Variants in C19orf25 observed in about 807,000 individuals in gnomAD.
The protein encoded by C19orf25 is UPF0449 protein C19orf25.
C19orf25 carries 1 observed loss-of-function variant against 3.1 expected under a neutral mutation model. The ratio of observed to expected loss-of-function variants is 0.32; its 90% CI spans 0.12 to 1.54. The LOEUF is 1.54. Ranked by LOEUF, C19orf25 falls within the 40% of genes most tolerant of loss-of-function variation. The probability of loss-of-function intolerance (pLI) is 0.38; values close to 1 mark genes in which losing one functional copy is unlikely to be tolerated. For synonymous variants in C19orf25, 91 were observed against 74.3 expected (o/e 1.23, Z -1.16); for missense variants, 196 against 160.4 (o/e 1.22, Z -1.20).
At chr19:1,478,370 A>G (rs56387929) in intron 2 of C19orf25, 1 of 336,668 alleles carries the variant, frequency 3.0e-6, no homozygotes, top group Non-Finnish European at 5.3e-6. Flanking sequence ...CCTCCCGAGT[A>G]GCTGAGATTA....
chr19:1,477,383 G>A (rs1031098513), intron 2 of C19orf25, among the ~76,000 whole-genome samples: 1 of 152,192 alleles, frequency 6.6e-6, no homozygotes, highest in East Asian at 1.9e-4. Context: ...TTGTCCATTA[G>A]CAGTGCTCTA....
At position 1,473,419 on chromosome 19, in the gene C19orf25, ACTGG is replaced by A. The variant is rs2084169150; in HGVS notation, c.*1609_*1612del. ...CCCCACCCAGATGGGCCGGGGAGGC[ACTGG>A]CTGAGGCCAGGAGTCTCCCCCTGGT... On this transcript the variant is annotated 3_prime_UTR_variant, in exon 3 of 3. Coordinates refer to ENST00000585675, the MANE Select transcript of C19orf25 (RefSeq NM_152482.3). 6.6e-6 allele frequency: 1 copy of A among 152,400 alleles called. No individual in the cohort carries two copies. Among genetic ancestry groups the A allele is most frequent in the Admixed American group, 6.5e-5 (1 of 15,306 alleles). 9.4% of individuals were successfully genotyped at this position (152,400 alleles called of 1,614,324 possible).
rs768478051 is a variant in C19orf25 at position 1,475,094 on chromosome 19, G to A, written c.295C>T (p.Arg99Trp). 4.8e-5 allele frequency: 77 copies of A among 1,606,338 alleles called. 1 individual carries two copies. Among genetic ancestry groups the A allele is most frequent in the South Asian group, 3.2e-4 (29 of 89,886 alleles). The change falls in exon 3 of 3, where the codon CGG (arginine) becomes TGG (tryptophan). Residue 99 changes from arginine to tryptophan, a missense_variant. Coordinates refer to ENST00000585675, the MANE Select transcript of C19orf25 (RefSeq NM_152482.3). ...GCCTGCTTCATCTGGGCCACCTCCC[G>A]CTCCAGGTCCTCGCCGGCTCGCTGC... ...LLQRAGEDLE[R>W]EVAQMKQAAL...
chr19:1,476,143 A>G, intron 2 of C19orf25: 1 of 398,702 alleles, frequency 2.5e-6, no homozygotes, highest in East Asian at 3.6e-5. Flanking sequence ...AGCCCAGTGC[A>G]GCAGGGCTGA....
At chr19:1,478,446 T>C in intron 2 of C19orf25, 1 of 570,508 alleles carries the variant, frequency 1.8e-6, no homozygotes, top group Admixed American at 4.3e-5. Flanking sequence ...TTTTGTTTTT[T>C]CATTTTTAGC....
intron 2 of C19orf25, chr19:1,478,528 C>T: frequency 8.2e-7 from 1 of 1,226,518 alleles, no homozygotes; most frequent in Non-Finnish European, 1.0e-6. Flanking sequence ...CCCGCCTCAT[C>T]CTCCGAAAGT....
Position 1,474,227 on chromosome 19 carries a change from T to G in C19orf25, c.*805A>C, listed in dbSNP as rs45441601. The G allele has an allele frequency of 6.6e-6, 1 of 152,082 alleles. No homozygotes were observed. The highest frequency in any genetic ancestry group is 1.9e-4 in the East Asian group (1 of 5,144). The allele number at this position is 152,082 out of a possible 1,614,324, so 9.4% of individuals were successfully genotyped here. On this transcript the variant is annotated 3_prime_UTR_variant, in exon 3 of 3. Transcript: ENST00000585675. ...CAGCCTCTGGGCCGCCTTGCCCAGG[T>G]TTCCACTCAAGTTGCTATTTAGGAT...
chr19:1,477,157 G>T (rs781330161), intron 2 of C19orf25, among the ~76,000 whole-genome samples: 6 of 152,082 alleles, frequency 3.9e-5, no homozygotes, highest in South Asian at 4.1e-4. Context: ...GCGCCACCAT[G>T]CCCAGCTAAT....
At chr19:1,477,755 C>A (rs1459578172) in intron 2 of C19orf25, among the ~76,000 whole-genome samples, 1 of 152,174 alleles carries the variant, frequency 6.6e-6, no homozygotes, top group Non-Finnish European at 1.5e-5. Context: ...ATTCATAGCT[C>A]CCAGACCTTA....
chr19:1,474,959 G>A lies in C19orf25; in HGVS notation c.*73C>T, dbSNP rs1200324468. The A allele has an allele frequency of 1.3e-5, 20 of 1,531,050 alleles. No individual in the cohort carries two copies. Among genetic ancestry groups the A allele is most frequent in the Non-Finnish European group, 1.7e-5 (19 of 1,141,858 alleles). The allele number at this position is 1,531,050 out of a possible 1,614,324, so 94.8% of individuals were successfully genotyped here. A position where few individuals can be genotyped will look rare whatever the true frequency, so the allele number is the denominator to read the frequency against. On this transcript the variant is annotated 3_prime_UTR_variant, in exon 3 of 3. Coordinates refer to ENST00000585675, the MANE Select transcript of C19orf25 (RefSeq NM_152482.3). ...GGGACCCCGTGAATGCCAGTCTGGG[G>A]CCGACGGACCCCCAGGGAAAGCCTG...
chr19:1,478,371 G>A lies in C19orf25; in HGVS notation c.130+403C>T, dbSNP rs1599179724. On this transcript the variant is annotated intron_variant, in intron 2 of 2. Transcript: ENST00000585675. ...TTCTCCTGCCTCAGCCTCCCGAGTA[G>A]CTGAGATTACAGGCGCCTGCCACTA... is the stretch of plus-strand genomic sequence containing the variant. 8.6e-6 allele frequency: 3 copies of A among 348,124 alleles called. No individual in the cohort carries two copies. The East Asian group carries it at 1.4e-4, about 16-fold the overall frequency. 21.6% of individuals were successfully genotyped at this position (348,124 alleles called of 1,614,324 possible). A position where few individuals can be genotyped will look rare whatever the true frequency, so the allele number is the denominator to read the frequency against.
At chr19:1,478,148 T>C (rs2084224845) in intron 2 of C19orf25, among the ~76,000 whole-genome samples, 1 of 152,148 alleles carries the variant, frequency 6.6e-6, no homozygotes, top group Admixed American at 6.5e-5. Flanking sequence ...CACTTATTTA[T>C]TTTTGAGACA....
Position 1,475,002 on chromosome 19 carries a change from G to A in C19orf25, c.*30C>T. 6.4e-7 allele frequency: 1 copy of A among 1,552,898 alleles called. No individual in the cohort carries two copies. The highest frequency in any genetic ancestry group is 1.9e-5 in the Admixed American group (1 of 52,542). ...AAAGCCTGGGTGCAGGCCACCTTGT[G>A]CGCTGCCCAAGCCTGCAGGCCCCGA... On this transcript the variant is annotated 3_prime_UTR_variant, in exon 3 of 3. Transcript: ENST00000585675.
rs534404334 is a variant in C19orf25 at position 1,478,568 on chromosome 19, C to T, written c.130+206G>A. 493 of 1,379,054 alleles carry T rather than the reference C, an allele frequency of 3.6e-4. 1 individual carries two copies. Among genetic ancestry groups the T allele is most frequent in the Non-Finnish European group, 4.5e-4 (478 of 1,069,174 alleles). 85.4% of individuals were successfully genotyped at this position (1,379,054 alleles called of 1,614,324 possible). A position where few individuals can be genotyped will look rare whatever the true frequency, so the allele number is the denominator to read the frequency against. On this transcript the variant is annotated intron_variant, in intron 2 of 2. Coordinates refer to ENST00000585675, the MANE Select transcript of C19orf25 (RefSeq NM_152482.3). ...GGCTTACAGGCCTGAACCACAGCGCCCGGCCTCCACCCCTGTCAGAAGAAC... is the reference window on the plus strand; with the variant it reads ...GGCTTACAGGCCTGAACCACAGCGCTCGGCCTCCACCCCTGTCAGAAGAAC...
At chr19:1,475,362 G>T in intron 2 of C19orf25, 104 bp from the exon 3 acceptor site, 1 of 1,188,098 alleles carries the variant, frequency 8.4e-7, no homozygotes, top group Non-Finnish European at 1.2e-6. Context: ...GTCCCCGAGT[G>T]AGCTTGCCAG....
chr19:1,475,643 C>A, intron 2 of C19orf25: 1 of 210,546 alleles, frequency 4.7e-6, no homozygotes, highest in Non-Finnish European at 9.6e-6. Context: ...AAGCTATGAT[C>A]GTGCCACGGT....
At chr19:1,478,984 C>T in intron 1 of C19orf25, 79 bp from the exon 2 acceptor site, 1 of 1,447,632 alleles carries the variant, frequency 6.9e-7, no homozygotes, top group African/African-American at 1.5e-5. Context: ...GCCCAGCGAA[C>T]TCGTACGCAC....
At chr19:1,478,487 TG>T in intron 2 of C19orf25, 1 of 821,598 alleles carries the variant, frequency 1.2e-6, no homozygotes, top group Non-Finnish European at 1.7e-6. Flanking sequence ...TTGGCCAGGC[TG>T]GTCTCGAACT....
At chr19:1,478,686 G>A (rs1490378979) in intron 2 of C19orf25, 88 bp downstream of exon 2, 21 of 1,518,426 alleles carry the variant, frequency 1.4e-5, no homozygotes, top group Non-Finnish European at 1.7e-5. Flanking sequence ...CCAGGGCGTG[G>A]GGTCAGGAGT....
Sources: gnomAD v4.1 joint callset for allele counts (sites outside exome capture counted in the v4.1 genomes callset) on GRCh38, gnomAD v4.1.1 for gene constraint, MANE v1.5 for transcripts, NCBI Gene and HGNC (gene_info 2026-07-23, HGNC 2026-07-21) for gene names.